Variants in ZNF804B observed in about 807,000 individuals in gnomAD.
ZNF804B encodes zinc finger 804B.
ZNF804B carries 80 observed loss-of-function variants against 101.4 expected under a neutral mutation model. That is an observed-to-expected ratio of 0.79 (90% confidence interval 0.66 to 0.95). The LOEUF (loss-of-function observed/expected upper bound fraction) is 0.95. Among genes scored for constraint, ZNF804B ranks in the 40% least tolerant of loss-of-function variants. The pLI is 0.00. For synonymous variants in ZNF804B, 622 were observed against 558.8 expected, an observed-to-expected ratio of 1.11 and a Z score of -1.59; for missense variants, 1,673 against 1,561.9, an observed-to-expected ratio of 1.07 and a Z score of -1.20.
At chr7:89,178,085 T>C (rs1483013594) in intron 1 of ZNF804B, among the ~76,000 whole-genome samples, 2 of 152,210 alleles carry the variant, frequency 1.3e-5, no homozygotes, top group Non-Finnish European at 2.9e-5. Context: ...GCTATAAATA[T>C]AGCTGCTCCT....
chr7:88,821,025 C>G (rs1250868044), intron 1 of ZNF804B, among the ~76,000 whole-genome samples: 1 of 152,174 alleles, frequency 6.6e-6, no homozygotes, highest in Non-Finnish European at 1.5e-5. Context: ...TTCCCTTGCT[C>G]AAACCTCCAT....
intron 1 of ZNF804B, among the ~76,000 whole-genome samples, chr7:88,992,513 A>G (rs778672163): frequency 4.6e-5 from 7 of 152,128 alleles, no homozygotes; most frequent in Non-Finnish European, 8.8e-5. Flanking sequence ...TCAGGATGTC[A>G]TAAGATATCA....
At chr7:89,279,689 C>G (rs529589148) in intron 2 of ZNF804B, among the ~76,000 whole-genome samples, 1 of 152,142 alleles carries the variant, frequency 6.6e-6, no homozygotes, top group South Asian at 2.1e-4. Flanking sequence ...GCCTTGCATC[C>G]CAGGGATGAA....
At chr7:88,997,220 CT>C (rs1350496778) in intron 1 of ZNF804B, among the ~76,000 whole-genome samples, 2 of 151,802 alleles carry the variant, frequency 1.3e-5, no homozygotes, top group African/African-American at 2.4e-5. Context: ...AAGTTAACAT[CT>C]TTTTTTTAGA....
intron 1 of ZNF804B, among the ~76,000 whole-genome samples, chr7:89,123,749 G>A (rs1421041654): frequency 1.3e-5 from 2 of 152,098 alleles, no homozygotes; most frequent in Middle Eastern, 3.4e-3. Context: ...TTATAGGTGA[G>A]GAAACTGAGA....
intron 1 of ZNF804B, among the ~76,000 whole-genome samples, chr7:88,932,156 A>T (rs147321931): frequency 1.5e-3 from 229 of 151,956 alleles, no homozygotes; most frequent in African/African-American, 5.2e-3. Context: ...CACAGACAAA[A>T]TGGGTATGAG....
intron 1 of ZNF804B, among the ~76,000 whole-genome samples, chr7:89,036,026 T>TTA (rs57640449): frequency 6.8e-6 from 1 of 146,090 alleles, no homozygotes; most frequent in Non-Finnish European, 1.5e-5. Context: ...TATATATTAA[T>TTA]ATGTTATATA....
chr7:88,960,243 C>T lies in ZNF804B; in HGVS notation c.108+200159C>T, dbSNP rs1793370423. Among the ~76,000 whole-genome samples, 3 of 151,418 alleles carry T rather than the reference C, an allele frequency of 2.0e-5. No individual in the cohort carries two copies. In the Admixed American group the frequency reaches 2.0e-4, roughly 10 times the overall value. ...ATGGGCTATGATCTGTTCTGAAAGA[C>T]AGCACCAGAAATAAGACCCCACCCC... is the stretch of plus-strand genomic sequence containing the variant. On this transcript the variant is annotated intron_variant, in intron 1 of 3. Coordinates refer to ENST00000333190, the MANE Select transcript of ZNF804B (RefSeq NM_181646.5).
intron 1 of ZNF804B, among the ~76,000 whole-genome samples, chr7:88,837,875 C>T (rs1273756387): frequency 6.6e-6 from 1 of 151,710 alleles, no homozygotes; most frequent in African/African-American, 2.4e-5. Context: ...AATACCACCA[C>T]TAATCTCCCC....
At position 89,333,813 on chromosome 7, in the gene ZNF804B, G is replaced by A. The variant is rs764360005; in HGVS notation, c.831G>A (p.Lys277=). ...RFANKDTHLT[K]EKEVNISPSH... is the part of the protein sequence containing the mutation. ...CAAATAAAGATACACACCTTACCAA[G>A]GAAAAAGAGGTAAATATCTCACCAA... is the stretch of plus-strand genomic sequence containing the variant. The change falls in exon 4 of 4, where the codon AAG becomes AAA. Residue 277 remains lysine, a synonymous_variant. Coordinates refer to ENST00000333190, the MANE Select transcript of ZNF804B (RefSeq NM_181646.5). 3.7e-6 allele frequency: 6 copies of A among 1,612,758 alleles called. No homozygotes were observed. Among genetic ancestry groups the A allele is most frequent in the Non-Finnish European group, 5.1e-6 (6 of 1,179,390 alleles).
chr7:89,163,854 C>A (rs1027771152), intron 1 of ZNF804B, among the ~76,000 whole-genome samples: 2 of 151,774 alleles, frequency 1.3e-5, no homozygotes, highest in African/African-American at 4.8e-5. Flanking sequence ...TTCCTCTTCT[C>A]TCCCTTTCTT....
intron 1 of ZNF804B, among the ~76,000 whole-genome samples, chr7:88,809,521 A>G (rs1790748959): frequency 6.6e-6 from 1 of 152,174 alleles, no homozygotes; most frequent in Admixed American, 6.5e-5. Context: ...TGGGCCAATG[A>G]TCAATTGAAA....
rs149097851 is a variant in ZNF804B, at chr7:89,282,655, T to C, written c.250-44689T>C. On this transcript the variant is annotated intron_variant, in intron 2 of 3. Coordinates refer to ENST00000333190, the MANE Select transcript of ZNF804B (RefSeq NM_181646.5). ...GATCAAAATGTGTGTCTTGAGGGGGTACGATTAACCTGGATTCAAGGGGGT... is the reference window on the plus strand; with the variant it reads ...GATCAAAATGTGTGTCTTGAGGGGGCACGATTAACCTGGATTCAAGGGGGT... 1.8e-3 allele frequency among the ~76,000 whole-genome samples: 267 copies of C among 152,124 alleles called. 1 individual carries two copies. The highest frequency in any genetic ancestry group is 3.1e-3 in the Admixed American group (47 of 15,280).
At chr7:88,765,512 C>T (rs1789967874) in intron 1 of ZNF804B, among the ~76,000 whole-genome samples, 1 of 152,044 alleles carries the variant, frequency 6.6e-6, no homozygotes, top group Admixed American at 6.6e-5. Context: ...ACAGCAAGAA[C>T]AATAATATAT....
chr7:89,085,143 C>A (rs71539399), intron 1 of ZNF804B, among the ~76,000 whole-genome samples: 128,792 of 151,554 alleles, frequency 0.85, 55,214 homozygotes, highest in African/African-American at 0.96. Context: ...ATATGCTCGC[C>A]AAATCAAAGC....
At chr7:89,082,088 A>G (rs1789705474) in intron 1 of ZNF804B, among the ~76,000 whole-genome samples, 1 of 151,772 alleles carries the variant, frequency 6.6e-6, no homozygotes, top group Admixed American at 6.6e-5. Context: ...AGAATTATAC[A>G]ACACTTATCT....
At chr7:89,242,482 C>T (rs1379499904) in intron 2 of ZNF804B, among the ~76,000 whole-genome samples, 1 of 151,786 alleles carries the variant, frequency 6.6e-6, no homozygotes. Flanking sequence ...GACTATTTCT[C>T]ATTTACCACC....
At chr7:88,804,899 GAGATAGATATTACTGATTTCA>G (rs1338117506) in intron 1 of ZNF804B, among the ~76,000 whole-genome samples, 1 of 152,118 alleles carries the variant, frequency 6.6e-6, no homozygotes, top group Non-Finnish European at 1.5e-5. Flanking sequence ...ATGGCAAAAA[GAGATAGATATTACTGATTTCA>G]AGTTGCTTAC....
rs543358124 is a variant in ZNF804B at position 89,120,530 on chromosome 7, T to C, written c.109-97625T>C. Among the ~76,000 whole-genome samples the C allele has an allele frequency of 3.0e-3, 458 of 150,942 alleles. 4 individuals are homozygous for C. Among genetic ancestry groups the C allele is most frequent in the African/African-American group, 0.011 (436 of 41,106 alleles). ...AAAATTAGCCGGGCGTGGTGGTGGG[T>C]GCCTGTAGTCCCAGCTCCTCAGGAG... On this transcript the variant is annotated intron_variant, in intron 1 of 3. Coordinates refer to ENST00000333190, the MANE Select transcript of ZNF804B (RefSeq NM_181646.5).
Sources: gnomAD v4.1 joint callset for allele counts (sites outside exome capture counted in the v4.1 genomes callset) on GRCh38, gnomAD v4.1.1 for gene constraint, MANE v1.5 for transcripts, NCBI Gene and HGNC (gene_info 2026-07-23, HGNC 2026-07-21) for gene names.